Variants in BAZ1A observed in about 807,000 individuals in gnomAD.
The protein encoded by BAZ1A is bromodomain adjacent to zinc finger domain 1A, also known as bromodomain adjacent to zinc finger domain protein 1A.
BAZ1A carries 50 observed loss-of-function variants against 185.2 expected under a neutral mutation model. That is an observed-to-expected ratio of 0.27 (90% CI 0.22 to 0.34). BAZ1A has a LOEUF of 0.34. BAZ1A is among the 10% of genes least tolerant of loss of function. BAZ1A has a pLI of 1.00. For synonymous variants in BAZ1A, 571 were observed against 615.6 expected (o/e 0.93, Z 1.07); for missense variants, 1,356 against 1,839.9 (o/e 0.74, Z 4.81).
intron 5 of BAZ1A, 62 bp downstream of exon 5, chr14:34,810,873 C>T: frequency 8.2e-7 from 1 of 1,217,516 alleles, no homozygotes; most frequent in East Asian, 2.4e-5. Context: ...ATCAGACCTT[C>T]TTAATCTAAC....
intron 1 of BAZ1A, 102 bp downstream of exon 1, chr14:34,875,036 G>C (rs1184707651): frequency 4.0e-6 from 1 of 252,348 alleles, no homozygotes; most frequent in Non-Finnish European, 7.9e-6. Context: ...GCCCAACGCC[G>C]CCAGAGCGCT....
In BAZ1A at chr14:34,765,212, G is replaced by C. The variant is rs779757454; in HGVS notation, c.3358C>G (p.Leu1120Val). 1 of 1,614,158 alleles carries C rather than the reference G, an allele frequency of 6.2e-7. No homozygotes were observed. The highest frequency in any genetic ancestry group is 8.5e-7 in the Non-Finnish European group (1 of 1,180,022). ...TGGGATAGACTAGCAGAAGAAAGGAGAGACTCTCTCCAACGGTCCAGAACT... is the reference window on the plus strand; with the variant it reads ...TGGGATAGACTAGCAGAAGAAAGGACAGACTCTCTCCAACGGTCCAGAACT... ...KTVLDRWRES[L>V]LSSASLSQVF... The change falls in exon 22 of 27, where the codon CTC becomes GTC. Residue 1120 changes from leucine to valine, a missense_variant. Leu to Val is a conservative substitution (Grantham distance 32, BLOSUM62 1). This residue lies in a region of BAZ1A where 434 missense variants were observed against 561.7 expected (regional missense o/e 0.77). Coordinates refer to ENST00000360310, the MANE Select transcript of BAZ1A (RefSeq NM_013448.3).
intron 2 of BAZ1A, among the ~76,000 whole-genome samples, chr14:34,865,145 G>A (rs554180842): frequency 1.3e-5 from 2 of 152,210 alleles, no homozygotes; most frequent in South Asian, 2.1e-4. Flanking sequence ...CTACTCCGGA[G>A]GCCGAGGCAG....
intron 12 of BAZ1A, among the ~76,000 whole-genome samples, chr14:34,792,378 C>T (rs543851280): frequency 1.1e-3 from 160 of 143,794 alleles, no homozygotes; most frequent in African/African-American, 3.9e-3. Context: ...AGCGAAACTC[C>T]ATCTCAAAAA....
chr14:34,764,648 A>G, intron 23 of BAZ1A, 59 bp downstream of exon 23: 2 of 1,544,584 alleles, frequency 1.3e-6, no homozygotes, highest in Non-Finnish European at 8.7e-7. Flanking sequence ...GTATTTGAAT[A>G]GTGGAGAAAT....
At chr14:34,784,393 A>AAAAAAAAC (rs1880283646) in intron 14 of BAZ1A, among the ~76,000 whole-genome samples, 1 of 146,332 alleles carries the variant, frequency 6.8e-6, no homozygotes, top group Admixed American at 6.8e-5. Context: ...AAAAAAAAAA[A>AAAAAAAAC]AAGGCAACTT....
At chr14:34,852,455 GA>G (rs967523460) in intron 3 of BAZ1A, among the ~76,000 whole-genome samples, 129 of 151,900 alleles carry the variant, frequency 8.5e-4, no homozygotes, top group African/African-American at 3.0e-3. Context: ...TGTCTCTACT[GA>G]AAATACAAAA....
chr14:34,865,249 A>C (rs1238930279), intron 2 of BAZ1A, among the ~76,000 whole-genome samples: 1 of 152,260 alleles, frequency 6.6e-6, no homozygotes, highest in East Asian at 1.9e-4. Flanking sequence ...GTCTGAAAAA[A>C]AATTTTTTTA....
chr14:34,866,592 T>C lies in BAZ1A; in HGVS notation c.114-4270A>G, dbSNP rs541181542. On this transcript the variant is annotated intron_variant, in intron 2 of 26. Transcript: ENST00000360310. ...GTACATAGTTAGCACATAGTGTACA[T>C]TGGTATACTTTTTTCCTCTTTTTTA... 7.2e-5 allele frequency among the ~76,000 whole-genome samples: 11 copies of C among 151,892 alleles called. No homozygotes were observed. The East Asian group carries it at 1.4e-3, about 19-fold the overall frequency.
intron 14 of BAZ1A, 142 bp downstream of exon 14, chr14:34,785,635 T>A (rs913343326): frequency 1.5e-6 from 1 of 654,150 alleles, no homozygotes; most frequent in African/African-American, 1.8e-5. Flanking sequence ...ATAAAGTTAA[T>A]ATGAATAATA....
chr14:34,774,594 G>T, intron 18 of BAZ1A, 104 bp from the exon 19 acceptor site: 1 of 989,012 alleles, frequency 1.0e-6, no homozygotes, highest in Non-Finnish European at 1.4e-6. Flanking sequence ...AAAGTGCTTT[G>T]TAAATCCTCA....
In BAZ1A at chr14:34,874,471, C is replaced by G; in HGVS notation, c.113+21G>C. Reference sequence around the variant, plus strand: ...GGAGTCCCCACACCCCCCGCGGCCCCGCACACGGCCCGGCTCTTACTCGTA... The same window carrying G: ...GGAGTCCCCACACCCCCCGCGGCCCGGCACACGGCCCGGCTCTTACTCGTA... On this transcript the variant is annotated intron_variant, in intron 2 of 26. Transcript: ENST00000360310. This position sits in a 1 kb window ranked among gnomAD's most constrained non-coding sequence, Gnocchi z 4.7. 6.2e-7 allele frequency: 1 copy of G among 1,605,684 alleles called. No homozygotes were observed. The highest frequency in any genetic ancestry group is 8.5e-7 in the Non-Finnish European group (1 of 1,173,508).
chr14:34,758,964 G>T, intron 24 of BAZ1A, 118 bp from the exon 25 acceptor site: 1 of 935,206 alleles, frequency 1.1e-6, no homozygotes. Context: ...CGTACACTGA[G>T]ATGTTAACTA....
chr14:34,755,692 C>CTT (rs1199374614), intron 25 of BAZ1A, among the ~76,000 whole-genome samples: 1 of 151,910 alleles, frequency 6.6e-6, no homozygotes, highest in Admixed American at 6.6e-5. Flanking sequence ...AGTACCATAA[C>CTT]TTTGTTCTAT....
At chr14:34,771,478 A>C (rs1027743911) in intron 21 of BAZ1A, 33 bp downstream of exon 21, 4 of 1,584,584 alleles carry the variant, frequency 2.5e-6, no homozygotes, top group Non-Finnish European at 3.4e-6. Context: ...CTTATAACAC[A>C]ACTAATATTT....
chr14:34,829,274 A>G (rs915882621), intron 3 of BAZ1A, among the ~76,000 whole-genome samples: 12 of 69,546 alleles, frequency 1.7e-4, no homozygotes, highest in Non-Finnish European at 2.6e-4. Context: ...TCTGAAAAAA[A>G]AAAAAAAAAA....
intron 21 of BAZ1A, among the ~76,000 whole-genome samples, 178 bp from the exon 22 acceptor site, chr14:34,765,446 C>T (rs181259590): frequency 1.0e-3 from 159 of 152,270 alleles, no homozygotes; most frequent in African/African-American, 3.7e-3. Context: ...TTTGCTGAGC[C>T]GCATCTCGTT....
chr14:34,874,459 C>T lies in BAZ1A; in HGVS notation c.113+33G>A, dbSNP rs750913026. 1 of 1,574,852 alleles carries T rather than the reference C, an allele frequency of 6.3e-7. No individual in the cohort carries two copies. The highest frequency in any genetic ancestry group is 1.4e-5 in the African/African-American group (1 of 73,656). ...AGCGCTGCGGGGGGAGTCCCCACAC[C>T]CCCCGCGGCCCCGCACACGGCCCGG... is the stretch of plus-strand genomic sequence containing the variant. On this transcript the variant is annotated intron_variant, in intron 2 of 26. Transcript: ENST00000360310. This position sits in a 1 kb window ranked among gnomAD's most constrained non-coding sequence, Gnocchi z 4.7.
intron 9 of BAZ1A, among the ~76,000 whole-genome samples, chr14:34,797,326 G>A (rs193098099): frequency 7.2e-5 from 11 of 152,198 alleles, no homozygotes; most frequent in East Asian, 1.9e-4. Context: ...TTGGGAGGTC[G>A]AGGCGGGCAG....
Sources: allele counts gnomAD v4.1 joint callset (sites outside exome capture counted in the v4.1 genomes callset), GRCh38; gene constraint gnomAD v4.1.1; regional missense constraint gnomAD v4.1.1; non-coding constraint Gnocchi (gnomAD v3.1); transcripts MANE v1.5; gene names NCBI Gene and HGNC (gene_info 2026-07-23, HGNC 2026-07-21).